FAM193A: variants seen among roughly 807,000 people sequenced by gnomAD.
The protein encoded by FAM193A is family with sequence similarity 193 member A.
FAM193A carries 22 observed loss-of-function variants against 126.5 expected under a neutral mutation model. The observed-to-expected ratio is 0.17, with a 90% CI of 0.12 to 0.25. The LOEUF is 0.25. FAM193A is among the 10% of genes least tolerant of loss of function. The probability of loss-of-function intolerance (pLI) is 1.00; values close to 1 mark genes in which losing one functional copy is unlikely to be tolerated. For synonymous variants in FAM193A, 761 were observed against 646.8 expected (o/e 1.18, Z -2.68); for missense variants, 1,675 against 1,672.8 (o/e 1.00, Z -0.02).
intron 2 of FAM193A, among the ~76,000 whole-genome samples, chr4:2,623,950 T>C (rs917330533): frequency 6.6e-6 from 1 of 152,060 alleles, no homozygotes; most frequent in African/African-American, 2.4e-5. Context: ...GAAGGCTCTC[T>C]AGCACCCTGC....
chr4:2,703,711 C>A (rs1219515871), intron 19 of FAM193A, among the ~76,000 whole-genome samples: 3 of 151,784 alleles, frequency 2.0e-5, no homozygotes, highest in Non-Finnish European at 4.4e-5. Flanking sequence ...CGCCTGTAAT[C>A]CCAACACTTT....
intron 1 of FAM193A, among the ~76,000 whole-genome samples, chr4:2,563,237 C>G (rs1329476035): frequency 1.3e-5 from 2 of 152,230 alleles, no homozygotes; most frequent in Non-Finnish European, 1.5e-5. Context: ...GCCACTGCGC[C>G]TGGCCTTTGA....
chr4:2,636,267 G>C (rs938229910), intron 5 of FAM193A, among the ~76,000 whole-genome samples: 5 of 151,988 alleles, frequency 3.3e-5, no homozygotes, highest in African/African-American at 1.2e-4. Context: ...GTTTCACTGT[G>C]TTAGCCAGGA....
chr4:2,689,397 G>A (rs1716107385), intron 13 of FAM193A, 109 bp from the exon 14 acceptor site: 2 of 749,918 alleles, frequency 2.7e-6, no homozygotes, highest in South Asian at 1.9e-5. Flanking sequence ...AGCTCATGGC[G>A]AGCACATCCC....
At chr4:2,538,892 T>A (rs1336476942) in intron 1 of FAM193A, among the ~76,000 whole-genome samples, 2 of 151,188 alleles carry the variant, frequency 1.3e-5, no homozygotes, top group Non-Finnish European at 2.9e-5. Flanking sequence ...CTTTATTATT[T>A]TTATTTATTT....
intron 4 of FAM193A, among the ~76,000 whole-genome samples, chr4:2,630,486 C>T (rs1211463247): frequency 6.6e-6 from 1 of 152,178 alleles, no homozygotes; most frequent in Non-Finnish European, 1.5e-5. Flanking sequence ...GTGCTTTTTA[C>T]TTGTTAACAT....
intron 12 of FAM193A, 140 bp downstream of exon 12, chr4:2,663,428 A>G (rs748678345): frequency 5.4e-5 from 33 of 612,718 alleles, no homozygotes; most frequent in Non-Finnish European, 7.7e-5. Flanking sequence ...AGGCATACTT[A>G]CAATCTCCAT....
intron 13 of FAM193A, among the ~76,000 whole-genome samples, chr4:2,677,571 C>T (rs1714560743): frequency 6.6e-6 from 1 of 151,774 alleles, no homozygotes; most frequent in Non-Finnish European, 1.5e-5. Flanking sequence ...GAAACCCTGT[C>T]TCTACTAAAA....
chr4:2,730,676 C>G (rs189361633), intron 20 of FAM193A, among the ~76,000 whole-genome samples: 400 of 139,132 alleles, frequency 2.9e-3, no homozygotes, highest in African/African-American at 8.4e-3. Flanking sequence ...GGCGACAGAG[C>G]AAGACTCCGT....
intron 19 of FAM193A, among the ~76,000 whole-genome samples, chr4:2,702,674 C>G (rs1412798203): frequency 6.6e-6 from 1 of 152,202 alleles, no homozygotes; most frequent in African/African-American, 2.4e-5. Flanking sequence ...ACTCCTTAGA[C>G]AGTAAGAACC....
At chr4:2,688,673 A>G (rs1716023101) in intron 13 of FAM193A, among the ~76,000 whole-genome samples, 1 of 152,216 alleles carries the variant, frequency 6.6e-6, no homozygotes, top group South Asian at 2.1e-4. Flanking sequence ...TTCAACAAAG[A>G]TCACTCTGGC....
intron 7 of FAM193A, among the ~76,000 whole-genome samples, chr4:2,650,861 A>T (rs182752872): frequency 2.9e-3 from 446 of 152,312 alleles, no homozygotes; most frequent in Admixed American, 5.2e-3. Flanking sequence ...TAATGGCAGC[A>T]ACGGTATTTG....
At chr4:2,696,707 T>C in intron 18 of FAM193A, 114 bp downstream of exon 18, 3 of 727,952 alleles carry the variant, frequency 4.1e-6, no homozygotes, top group Non-Finnish European at 4.6e-6. Context: ...CTCTGACGTG[T>C]GTTCACTTGC....
intron 1 of FAM193A, among the ~76,000 whole-genome samples, chr4:2,592,306 TC>T (rs1394687924): frequency 6.6e-6 from 1 of 152,206 alleles, no homozygotes; most frequent in African/African-American, 2.4e-5. Flanking sequence ...GCCAGGCTGG[TC>T]TTGAACTCCT....
intron 20 of FAM193A, among the ~76,000 whole-genome samples, chr4:2,721,352 G>A (rs972217209): frequency 6.7e-6 from 1 of 148,446 alleles, no homozygotes; most frequent in African/African-American, 2.5e-5. Flanking sequence ...GCCAGGCATG[G>A]TGGTACATGC....
chr4:2,564,460 G>A (rs993785609), intron 1 of FAM193A, among the ~76,000 whole-genome samples: 1 of 152,110 alleles, frequency 6.6e-6, no homozygotes, highest in African/African-American at 2.4e-5. Context: ...CATCACAAAA[G>A]GACAGCATTC....
intron 8 of FAM193A, among the ~76,000 whole-genome samples, chr4:2,658,500 C>T (rs1711989998): frequency 6.6e-6 from 1 of 152,098 alleles, no homozygotes; most frequent in African/African-American, 2.4e-5. Context: ...ACTTGGCTTC[C>T]CCTGATCTCC....
At chr4:2,659,159 T>A (rs1712084660) in intron 8 of FAM193A, among the ~76,000 whole-genome samples, 3 of 152,144 alleles carry the variant, frequency 2.0e-5, no homozygotes, top group African/African-American at 7.2e-5. Context: ...CTGTTAGAAG[T>A]TGAGGTGCCA....
At chr4:2,723,700 T>C (rs541329548) in intron 20 of FAM193A, among the ~76,000 whole-genome samples, 2 of 152,238 alleles carry the variant, frequency 1.3e-5, no homozygotes, top group African/African-American at 2.4e-5. Flanking sequence ...AAAGAAGTTA[T>C]TCATTTAACC....
Sources: gnomAD v4.1 joint callset for allele counts (sites outside exome capture counted in the v4.1 genomes callset) on GRCh38, gnomAD v4.1.1 for gene constraint, MANE v1.5 for transcripts, NCBI Gene and HGNC (gene_info 2026-07-23, HGNC 2026-07-21) for gene names.